TNR: variants seen among roughly 807,000 people sequenced by gnomAD.
TNR encodes tenascin R, also known as tenascin-R.
A neutral mutation model predicts 150.4 loss-of-function variants in TNR; 45 were observed. That is an observed-to-expected ratio of 0.30 (90% CI 0.24 to 0.38). The LOEUF is 0.38. Among genes scored for constraint, TNR ranks in the 10% least tolerant of loss-of-function variants. The probability of loss-of-function intolerance (pLI) is 1.00; values close to 1 mark genes in which losing one functional copy is unlikely to be tolerated. For missense variants in TNR, 1,544 were observed against 1,759.1 expected, an observed-to-expected ratio of 0.88 and a Z score of 2.19; for synonymous variants, 687 against 678.4, an observed-to-expected ratio of 1.01 and a Z score of -0.20.
At chr1:175,696,133 A>C (rs918554983) in intron 1 of TNR, among the ~76,000 whole-genome samples, 4 of 151,518 alleles carry the variant, frequency 2.6e-5, no homozygotes, top group Non-Finnish European at 5.9e-5. Context: ...CTGTTAACCA[A>C]TCTGTAGCTA....
intron 1 of TNR, among the ~76,000 whole-genome samples, chr1:175,554,728 T>C (rs367945889): frequency 1.3e-5 from 2 of 152,280 alleles, no homozygotes; most frequent in East Asian, 3.9e-4. Flanking sequence ...CTTGTCCATA[T>C]CTGAGGAGAG....
At chr1:175,500,531 G>A (rs906128110) in intron 2 of TNR, among the ~76,000 whole-genome samples, 1 of 152,098 alleles carries the variant, frequency 6.6e-6, no homozygotes, top group Non-Finnish European at 1.5e-5. Context: ...CCAAGGCTGG[G>A]CTGGTGCTGG....
intron 1 of TNR, among the ~76,000 whole-genome samples, chr1:175,605,182 G>A (rs1663370026): frequency 6.6e-6 from 1 of 152,196 alleles, no homozygotes; most frequent in Non-Finnish European, 1.5e-5. Flanking sequence ...AAAAACCATA[G>A]ACTTTGGAGT....
intron 1 of TNR, chr1:175,656,684 G>A (rs1389227484): frequency 6.6e-6 from 1 of 152,368 alleles, no homozygotes; most frequent in Non-Finnish European, 1.5e-5. Flanking sequence ...CAGAGCTGTT[G>A]GTCATGTCAG....
chr1:175,461,755 A>G (rs1254362148), intron 2 of TNR, among the ~76,000 whole-genome samples: 2 of 147,944 alleles, frequency 1.4e-5, no homozygotes, highest in African/African-American at 5.1e-5. Context: ...AATTCTTAAT[A>G]GTTTCCTTCT....
intron 2 of TNR, among the ~76,000 whole-genome samples, chr1:175,513,843 C>T (rs191272563): frequency 9.3e-4 from 142 of 152,336 alleles, no homozygotes; most frequent in Middle Eastern, 6.8e-3. Context: ...ACTCACTGCA[C>T]ATGCACATCT....
chr1:175,442,013 G>T (rs1041418098), intron 2 of TNR, among the ~76,000 whole-genome samples: 1 of 152,290 alleles, frequency 6.6e-6, no homozygotes, highest in South Asian at 2.1e-4. Context: ...GGTAACAGAG[G>T]GGGAAAAGCT....
chr1:175,604,500 AAG>A (rs1183144768), intron 1 of TNR, among the ~76,000 whole-genome samples: 3 of 152,188 alleles, frequency 2.0e-5, no homozygotes, highest in Non-Finnish European at 4.4e-5. Flanking sequence ...TCACAGTGGG[AAG>A]GCTGGGCAGC....
intron 18 of TNR, 116 bp from the exon 19 acceptor site, chr1:175,337,795 A>T: frequency 8.9e-6 from 11 of 1,240,934 alleles, no homozygotes; most frequent in Non-Finnish European, 1.2e-5. Context: ...CAGCTGTAAG[A>T]AATCCTCAAC....
intron 4 of TNR, among the ~76,000 whole-genome samples, chr1:175,398,617 T>C (rs74655750): frequency 0.026 from 3,897 of 152,268 alleles, 150 homozygotes; most frequent in African/African-American, 0.087. Context: ...CACTTTTACA[T>C]AGATTATTTC....
chr1:175,501,004 T>C (rs1340269500), intron 2 of TNR, among the ~76,000 whole-genome samples: 1 of 152,186 alleles, frequency 6.6e-6, no homozygotes, highest in Non-Finnish European at 1.5e-5. Context: ...ATACATACCC[T>C]GCATGATGCC....
At chr1:175,734,943 A>G (rs1667731528) in intron 1 of TNR, among the ~76,000 whole-genome samples, 1 of 152,088 alleles carries the variant, frequency 6.6e-6, no homozygotes, top group Admixed American at 6.5e-5. Context: ...AAGTGTAGAT[A>G]CAGATGAAGT....
chr1:175,337,088 T>G (rs1039830083), intron 19 of TNR, among the ~76,000 whole-genome samples: 8 of 152,138 alleles, frequency 5.3e-5, no homozygotes, highest in Non-Finnish European at 2.9e-5. Context: ...AGATACAGGA[T>G]TTCTCCATGT....
At chr1:175,596,326 C>G (rs1031226507) in intron 1 of TNR, among the ~76,000 whole-genome samples, 5 of 152,078 alleles carry the variant, frequency 3.3e-5, no homozygotes, top group African/African-American at 4.8e-5. Context: ...CAGTTCCCCC[C>G]ACCCGTCGTT....
intron 2 of TNR, among the ~76,000 whole-genome samples, chr1:175,479,246 C>G (rs1657674856): frequency 6.6e-6 from 1 of 152,204 alleles, no homozygotes; most frequent in Non-Finnish European, 1.5e-5. Context: ...GAAAGACACT[C>G]TCTCCACTGA....
At chr1:175,480,615 T>C (rs1657763887) in intron 2 of TNR, among the ~76,000 whole-genome samples, 1 of 152,142 alleles carries the variant, frequency 6.6e-6, no homozygotes, top group African/African-American at 2.4e-5. Flanking sequence ...GCTAAGTATT[T>C]TACATGACAT....
intron 1 of TNR, among the ~76,000 whole-genome samples, chr1:175,618,897 T>C (rs190281955): frequency 1.4e-5 from 2 of 144,476 alleles, no homozygotes; most frequent in African/African-American, 5.0e-5. Flanking sequence ...TTGTGATTCA[T>C]TTGAGAAGAC....
intron 2 of TNR, among the ~76,000 whole-genome samples, chr1:175,417,078 ATC>A (rs1654528652): frequency 6.6e-6 from 1 of 151,630 alleles, no homozygotes; most frequent in Non-Finnish European, 1.5e-5. Context: ...AAAGAAAGAA[ATC>A]TAAGAAGTGG....
intron 2 of TNR, among the ~76,000 whole-genome samples, chr1:175,511,487 T>C (rs1195308552): frequency 6.6e-6 from 1 of 152,224 alleles, no homozygotes; most frequent in African/African-American, 2.4e-5. Context: ...AAGGTTTTAT[T>C]GTACTGCAAT....
Sources: allele counts gnomAD v4.1 joint callset (sites outside exome capture counted in the v4.1 genomes callset), GRCh38; gene constraint gnomAD v4.1.1; transcripts MANE v1.5; gene names NCBI Gene and HGNC (gene_info 2026-07-23, HGNC 2026-07-21).